Variants in KCNK1 observed in about 807,000 individuals in gnomAD.
KCNK1 encodes potassium channel subfamily K member 1.
In KCNK1, 10 loss-of-function variants were observed where a neutral mutation model predicts 22.2. The ratio of observed to expected loss-of-function variants is 0.45; its 90% confidence interval spans 0.28 to 0.76. The LOEUF (loss-of-function observed/expected upper bound fraction) is 0.76. KCNK1 is among the 30% of genes least tolerant of loss of function. The probability of loss-of-function intolerance (pLI) is 0.14; values close to 1 mark genes in which losing one functional copy is unlikely to be tolerated. For missense variants in KCNK1, 378 were observed against 421.0 expected, an observed-to-expected ratio of 0.90 and a Z score of 0.89; for synonymous variants, 200 against 186.4, an observed-to-expected ratio of 1.07 and a Z score of -0.60.
chr1:233,656,488 G>A (rs1658296610), intron 1 of KCNK1, among the ~76,000 whole-genome samples: 1 of 152,204 alleles, frequency 6.6e-6, no homozygotes, highest in Non-Finnish European at 1.5e-5. Context: ...GTTTTTTGGA[G>A]CAATGTTCTT....
rs1658600258 is a variant in KCNK1, at chr1:233,671,614, C to T, written c.*84C>T. The T allele has an allele frequency of 4.0e-6, 6 of 1,489,650 alleles. No homozygotes were observed. The highest frequency in any genetic ancestry group is 4.6e-6 in the Non-Finnish European group (5 of 1,093,994). 92.3% of individuals were successfully genotyped at this position (1,489,650 alleles called of 1,614,324 possible). A position where few individuals can be genotyped will look rare whatever the true frequency, so the allele number is the denominator to read the frequency against. ...AAGTATGTTCATTTTTATCAGAATG[C>T]AAAAGCGAAAATTATGTCACTTTAA... On this transcript the variant is annotated 3_prime_UTR_variant, in exon 3 of 3. Coordinates refer to ENST00000366621, the MANE Select transcript of KCNK1 (RefSeq NM_002245.4).
rs760129381 is a variant in KCNK1, at chr1:233,671,356, G to A, written c.837G>A (p.Met279Ile). 5.0e-6 allele frequency: 8 copies of A among 1,614,034 alleles called. No homozygotes were observed. Among genetic ancestry groups the A allele is most frequent in the African/African-American group, 4.0e-5 (3 of 74,918 alleles). ...ATGAGCTGAAAAAATTCAGAAAAAT[G>A]TTCTATGTGAAGAAGGACAAGGACG... is the stretch of plus-strand genomic sequence containing the variant. ...ELHELKKFRK[M>I]FYVKKDKDED... Residue 279 changes from methionine to isoleucine, a missense_variant, in exon 3 of 3, where the codon ATG becomes ATA. Physicochemically the swap from Met to Ile is conservative, Grantham distance 10. Transcript: ENST00000366621.
At chr1:233,661,426 C>T (rs942397225) in intron 1 of KCNK1, among the ~76,000 whole-genome samples, 10 of 152,070 alleles carry the variant, frequency 6.6e-5, no homozygotes, top group African/African-American at 1.4e-4. Context: ...TAGCAAGAAA[C>T]GATTCATGAA....
intron 1 of KCNK1, among the ~76,000 whole-genome samples, chr1:233,649,096 A>G (rs1413343806): frequency 1.3e-5 from 2 of 152,214 alleles, no homozygotes; most frequent in Non-Finnish European, 2.9e-5. Flanking sequence ...AGCATAGTCA[A>G]ACACTTAGGA....
In KCNK1 at chr1:233,657,714, A is replaced by AAG. The variant is rs796568736; in HGVS notation, c.356-8867_356-8866dup. ...AGAAAGAAAGAGAAATAAAGAAAGA[A>AAG]AGAGAGAGAGAGAGAAAGACAGCCT... On this transcript the variant is annotated intron_variant, in intron 1 of 2. Transcript: ENST00000366621. Among the ~76,000 whole-genome samples the AAG allele has an allele frequency of 4.2e-3, 638 of 151,766 alleles. 4 individuals carry two copies. The highest frequency in any genetic ancestry group is 0.015 in the African/African-American group (604 of 41,440).
At position 233,672,194 on chromosome 1, in the gene KCNK1, T is replaced by C. The variant is rs560281013; in HGVS notation, c.*664T>C. On this transcript the variant is annotated 3_prime_UTR_variant, in exon 3 of 3. Coordinates refer to ENST00000366621, the MANE Select transcript of KCNK1 (RefSeq NM_002245.4). The stretch of plus-strand genomic sequence containing the variant: ...TTTATACTAAAGAATCCAGAGTTGC[T>C]ACAATAAAATAAGGGGAATAATAAA... 6.5e-6 allele frequency: 1 copy of C among 152,680 alleles called. No homozygotes were observed. Among genetic ancestry groups the C allele is most frequent in the South Asian group, 2.1e-4 (1 of 4,824 alleles). 9.5% of individuals were successfully genotyped at this position (152,680 alleles called of 1,614,324 possible).
intron 1 of KCNK1, among the ~76,000 whole-genome samples, chr1:233,665,738 A>G (rs917220546): frequency 6.6e-6 from 1 of 152,236 alleles, no homozygotes; most frequent in Non-Finnish European, 1.5e-5. Context: ...ACAGCAAGGC[A>G]GTGTCAGTTG....
Position 233,666,707 on chromosome 1 carries a change from C to A in KCNK1, c.468C>A (p.Ile156=). 6.2e-7 allele frequency: 1 copy of A among 1,614,136 alleles called. No individual in the cohort carries two copies. The highest frequency in any genetic ancestry group is 8.5e-7 in the Non-Finnish European group (1 of 1,180,034). ...TCCTGACGGCTGTGGTCCAGCGCAT[C>A]ACCGTGCACGTCACCCGCAGGCCGG... ...LLFLTAVVQR[I]TVHVTRRPVL... Residue 156 remains isoleucine, a synonymous_variant, in exon 2 of 3, where the codon ATC becomes ATA. Transcript: ENST00000366621.
At chr1:233,650,798 GA>G (rs11441644) in intron 1 of KCNK1, among the ~76,000 whole-genome samples, 1,794 of 130,480 alleles carry the variant, frequency 0.014, 36 homozygotes, top group African/African-American at 0.046. Flanking sequence ...TCGAACAATA[GA>G]AAAAAAAAAA....
intron 1 of KCNK1, among the ~76,000 whole-genome samples, chr1:233,666,248 C>T (rs564993001): frequency 6.6e-6 from 1 of 152,080 alleles, no homozygotes; most frequent in South Asian, 2.1e-4. Context: ...TGGGTAGCCT[C>T]GGATGAGTTT....
At chr1:233,658,287 A>G (rs931645269) in intron 1 of KCNK1, among the ~76,000 whole-genome samples, 6 of 152,196 alleles carry the variant, frequency 3.9e-5, no homozygotes, top group African/African-American at 7.2e-5. Context: ...AAATAATTAT[A>G]TGTGTTTTTA....
chr1:233,657,055 A>T (rs974638421), intron 1 of KCNK1, among the ~76,000 whole-genome samples: 2 of 152,226 alleles, frequency 1.3e-5, no homozygotes, highest in African/African-American at 4.8e-5. Context: ...GTAATTTAGT[A>T]AGAAAATATT....
At chr1:233,668,047 T>G (rs1396346349) in intron 2 of KCNK1, among the ~76,000 whole-genome samples, 1 of 152,238 alleles carries the variant, frequency 6.6e-6, no homozygotes, top group Non-Finnish European at 1.5e-5. Flanking sequence ...AGTTTTCATT[T>G]TAAATTCAAT....
In KCNK1 at chr1:233,614,115, G is replaced by T. The variant is rs1037469189; in HGVS notation, c.-57G>T. The T allele has an allele frequency of 7.8e-7, 1 of 1,279,604 alleles. No individual in the cohort carries two copies. The highest frequency in any genetic ancestry group is 1.6e-5 in the African/African-American group (1 of 63,570). The allele number at this position is 1,279,604 out of a possible 1,614,324, so 79.3% of individuals were successfully genotyped here. A position where few individuals can be genotyped will look rare whatever the true frequency, so the allele number is the denominator to read the frequency against. On this transcript the variant is annotated 5_prime_UTR_variant, in exon 1 of 3. Transcript: ENST00000366621. ...CGGGGGCGGCGGGGCCAGAAGAGGCGGCGGGCCGCGCTCCGGCCGGTCTGC... is the reference window on the plus strand; with the variant it reads ...CGGGGGCGGCGGGGCCAGAAGAGGCTGCGGGCCGCGCTCCGGCCGGTCTGC...
chr1:233,614,740 G>A (rs1300503198), intron 1 of KCNK1, among the ~76,000 whole-genome samples: 2 of 152,106 alleles, frequency 1.3e-5, no homozygotes. Flanking sequence ...GACTCGGGAG[G>A]GCAAGCCCTG....
At chr1:233,661,965 G>A (rs755636032) in intron 1 of KCNK1, 1 of 152,196 alleles carries the variant, frequency 6.6e-6, no homozygotes, top group Non-Finnish European at 1.5e-5. Context: ...TGACATTGAA[G>A]TCACTAACAG....
intron 1 of KCNK1, among the ~76,000 whole-genome samples, chr1:233,628,109 G>A (rs544286246): frequency 1.3e-5 from 2 of 152,336 alleles, no homozygotes; most frequent in South Asian, 2.1e-4. Context: ...CCTGTCTTCA[G>A]TGTCCCAGTC....
chr1:233,659,102 G>A (rs1015974638), intron 1 of KCNK1, among the ~76,000 whole-genome samples: 1 of 151,554 alleles, frequency 6.6e-6, no homozygotes, highest in East Asian at 1.9e-4. Flanking sequence ...TTGTGATAAC[G>A]TTTAACTTAA....
At chr1:233,621,606 A>G (rs1657588089) in intron 1 of KCNK1, among the ~76,000 whole-genome samples, 2 of 152,222 alleles carry the variant, frequency 1.3e-5, no homozygotes, top group Admixed American at 6.5e-5. Context: ...AGGGAAGTGT[A>G]TAATAAATTC....
Sources: gnomAD v4.1 joint callset for allele counts (sites outside exome capture counted in the v4.1 genomes callset) on GRCh38, gnomAD v4.1.1 for gene constraint, MANE v1.5 for transcripts, NCBI Gene and HGNC (gene_info 2026-07-23, HGNC 2026-07-21) for gene names.